PHF20L1: variants seen among roughly 807,000 people sequenced by gnomAD.
The protein encoded by PHF20L1 is PHD finger protein 20 like 1.
In PHF20L1, 44 loss-of-function variants were observed where a neutral mutation model predicts 125.5. The observed-to-expected ratio is 0.35, with a 90% CI of 0.28 to 0.45. The LOEUF (loss-of-function observed/expected upper bound fraction) is 0.45, where lower values mean the gene tolerates loss of function less well. Among genes scored for constraint, PHF20L1 ranks in the 20% least tolerant of loss-of-function variants. The pLI is 1.00. For missense variants in PHF20L1, 1,012 were observed against 1,217.2 expected, an observed-to-expected ratio of 0.83 and a Z score of 2.51; for synonymous variants, 380 against 403.1, an observed-to-expected ratio of 0.94 and a Z score of 0.69.
chr8:132,831,550 A>G (rs1037168358), intron 14 of PHF20L1, among the ~76,000 whole-genome samples: 1 of 152,070 alleles, frequency 6.6e-6, no homozygotes, highest in African/African-American at 2.4e-5. Flanking sequence ...TCAGATTATC[A>G]CTGTATAATT....
chr8:132,804,508 TA>T (rs1833457648), intron 7 of PHF20L1, 106 bp from the exon 8 acceptor site: 6 of 779,440 alleles, frequency 7.7e-6, no homozygotes, highest in Non-Finnish European at 1.0e-5. Flanking sequence ...AGTAGTAGAT[TA>T]AAAAAACTAA....
chr8:132,819,148 C>A (rs999763803), intron 12 of PHF20L1, among the ~76,000 whole-genome samples: 7 of 151,768 alleles, frequency 4.6e-5, no homozygotes, highest in African/African-American at 1.7e-4. Flanking sequence ...GGAAGGCACA[C>A]GAATATTCTT....
intron 2 of PHF20L1, among the ~76,000 whole-genome samples, chr8:132,781,285 T>A (rs1037933751): frequency 5.3e-5 from 8 of 152,232 alleles, no homozygotes; most frequent in Non-Finnish European, 1.0e-4. Context: ...TCTGTGTTTC[T>A]CAGGAAAAGT....
chr8:132,799,577 C>G (rs2131515099), intron 6 of PHF20L1: 1 of 154,394 alleles, frequency 6.5e-6, no homozygotes, highest in South Asian at 2.0e-4. Flanking sequence ...TTTTCAGCAC[C>G]TGGACCTACA....
chr8:132,836,440 GT>G (rs1433017580), intron 15 of PHF20L1, 99 bp from the exon 16 acceptor site: 73 of 741,940 alleles, frequency 9.8e-5, no homozygotes, highest in Admixed American at 2.8e-4. Context: ...TTTTTAAAAT[GT>G]TTAATAGCTT....
At chr8:132,812,163 A>G (rs966033720) in intron 9 of PHF20L1, 7 of 979,816 alleles carry the variant, frequency 7.1e-6, no homozygotes, top group Non-Finnish European at 8.5e-6. Context: ...TATTGTCAAT[A>G]TATCAACCAA....
rs1384004432 is a variant in PHF20L1, at chr8:132,812,542, CAA to C, written c.930+1416_930+1417del. 1.4e-5 allele frequency: 14 copies of C among 984,702 alleles called. No homozygotes were observed. The South Asian group carries it at 3.8e-4, about 26-fold the overall frequency. The allele number at this position is 984,702 out of a possible 1,614,324, so 61.0% of individuals were successfully genotyped here. A position where few individuals can be genotyped will look rare whatever the true frequency, so the allele number is the denominator to read the frequency against. On this transcript the variant is annotated intron_variant, in intron 9 of 20. Transcript: ENST00000395386. Reference sequence around the variant, plus strand: ...TTGAGAGTCCTTGCCAGTTTTGTAACAAAGAGACCAACAATCATTAATGAAAA... The same window carrying C: ...TTGAGAGTCCTTGCCAGTTTTGTAACAGAGACCAACAATCATTAATGAAAA...
rs549136082 is a variant in PHF20L1 at position 132,798,944 on chromosome 8, T to C, written c.429+84T>C. Reference sequence around the variant, plus strand: ...TCAAAATATATTTATATGTATATTTTTTAAAAATGAACTAATTGTAGGGTT... The same window carrying C: ...TCAAAATATATTTATATGTATATTTCTTAAAAATGAACTAATTGTAGGGTT... On this transcript the variant is annotated intron_variant, in intron 5 of 20. Coordinates refer to ENST00000395386, the MANE Select transcript of PHF20L1 (RefSeq NM_016018.5). 1.7e-5 allele frequency: 19 copies of C among 1,107,900 alleles called. 1 individual carries two copies. In the South Asian group the frequency reaches 2.4e-4, roughly 14 times the overall value. 68.6% of individuals were successfully genotyped at this position (1,107,900 alleles called of 1,614,324 possible). A position where few individuals can be genotyped will look rare whatever the true frequency, so the allele number is the denominator to read the frequency against.
chr8:132,840,737 A>G (rs1046993575), intron 18 of PHF20L1, among the ~76,000 whole-genome samples: 8 of 152,128 alleles, frequency 5.3e-5, no homozygotes, highest in African/African-American at 1.7e-4. Flanking sequence ...GATGCCTTTC[A>G]TAATTACCTG....
rs747916322 is a variant in PHF20L1, at chr8:132,832,228, G to C, written c.1745-7G>C. On this transcript the variant is annotated splice_region_variant and splice_polypyrimidine_tract_variant and intron_variant, in intron 14 of 20. Transcript: ENST00000395386. The stretch of plus-strand genomic sequence containing the variant: ...ATTAATATTTCTTTCTGTATCTTAT[G>C]TTGCAGACTATTCAGACTATGAAGA... The C allele has an allele frequency of 1.9e-6, 3 of 1,543,618 alleles. No individual in the cohort carries two copies. The highest frequency in any genetic ancestry group is 2.7e-6 in the Non-Finnish European group (3 of 1,117,220).
chr8:132,822,801 A>G (rs1253997984), intron 12 of PHF20L1, among the ~76,000 whole-genome samples: 2 of 151,914 alleles, frequency 1.3e-5, no homozygotes, highest in Non-Finnish European at 2.9e-5. Flanking sequence ...TATTTTTATT[A>G]TATTTAAATG....
chr8:132,833,471 C>A (rs563064537), intron 15 of PHF20L1, among the ~76,000 whole-genome samples: 1 of 152,100 alleles, frequency 6.6e-6, no homozygotes, highest in Non-Finnish European at 1.5e-5. Context: ...GGTTCTTCAC[C>A]CCCGGTGAAC....
chr8:132,787,262 G>A (rs1215985086), intron 2 of PHF20L1, among the ~76,000 whole-genome samples: 3 of 151,872 alleles, frequency 2.0e-5, no homozygotes, highest in Non-Finnish European at 4.4e-5. Context: ...TCAGGTGCTG[G>A]GGGGGTGGGA....
At chr8:132,792,380 C>T (rs144275593) in intron 2 of PHF20L1, among the ~76,000 whole-genome samples, 1 of 152,238 alleles carries the variant, frequency 6.6e-6, no homozygotes, top group East Asian at 1.9e-4. Context: ...ACAAGTATTA[C>T]AGGATTGATT....
chr8:132,836,422 G>C (rs367805442), intron 15 of PHF20L1, 118 bp from the exon 16 acceptor site: 4 of 654,470 alleles, frequency 6.1e-6, no homozygotes, highest in Non-Finnish European at 1.0e-5. Flanking sequence ...TTATTTGTTT[G>C]CTCCCCCTTT....
At chr8:132,836,311 A>T in intron 15 of PHF20L1, 1 of 333,460 alleles carries the variant, frequency 3.0e-6, no homozygotes, top group Non-Finnish European at 5.4e-6. Context: ...ACTTTGAGTT[A>T]CTTATAATAG....
chr8:132,835,817 A>T (rs898713283), intron 15 of PHF20L1, among the ~76,000 whole-genome samples: 3 of 152,086 alleles, frequency 2.0e-5, no homozygotes, highest in Non-Finnish European at 4.4e-5. Context: ...CAAGCAAGTT[A>T]TATATCCTGT....
intron 12 of PHF20L1, among the ~76,000 whole-genome samples, chr8:132,821,009 T>C (rs1835529871): frequency 6.6e-6 from 1 of 151,942 alleles, no homozygotes; most frequent in Non-Finnish European, 1.5e-5. Context: ...TCCTGTTTTA[T>C]TGCAGCATGT....
intron 16 of PHF20L1, 144 bp from the exon 17 acceptor site, chr8:132,837,568 G>A (rs1029170167): frequency 1.7e-6 from 1 of 601,612 alleles, no homozygotes; most frequent in South Asian, 1.9e-5. Flanking sequence ...GTCATGGCTT[G>A]ATTTTGTTGT....
Sources: allele counts gnomAD v4.1 joint callset (sites outside exome capture counted in the v4.1 genomes callset), GRCh38; gene constraint gnomAD v4.1.1; transcripts MANE v1.5; gene names NCBI Gene and HGNC (gene_info 2026-07-23, HGNC 2026-07-21).